The following TOP1MT variants were observed in gnomAD, a reference collection of about 807,000 sequenced individuals.
TOP1MT encodes the protein DNA topoisomerase I mitochondrial.
TOP1MT carries 80 observed loss-of-function variants against 73.9 expected under a neutral mutation model. The observed-to-expected ratio is 1.08, with a 90% confidence interval of 0.90 to 1.30. The LOEUF (loss-of-function observed/expected upper bound fraction) is 1.30, where lower values mean the gene tolerates loss of function less well. TOP1MT is among the 50% of genes most tolerant of loss of function. TOP1MT has a pLI of 0.00. For synonymous variants in TOP1MT, 338 were observed against 326.4 expected (o/e 1.04, Z -0.38); for missense variants, 815 against 808.0 (o/e 1.01, Z -0.10).
intron 7 of TOP1MT, among the ~76,000 whole-genome samples, chr8:143,322,371 GGCACGCCACACAC>G (rs1816463182): frequency 3.4e-5 from 1 of 29,650 alleles, no homozygotes; most frequent in Admixed American, 4.8e-4. Flanking sequence ...CACACACACA[GGCACGCCACACAC>G]GCACGCCACA....
chr8:143,322,266 C>G (rs1586759042), intron 7 of TOP1MT, among the ~76,000 whole-genome samples: 1 of 39,604 alleles, frequency 2.5e-5, no homozygotes. Context: ...CACACACACA[C>G]GCCACACACA....
chr8:143,342,184 A>T (rs375291359), intron 2 of TOP1MT, among the ~76,000 whole-genome samples: 1 of 63,482 alleles, frequency 1.6e-5, no homozygotes, highest in Non-Finnish European at 2.7e-5. Context: ...ATTATTAGAG[A>T]CAGTCTCGCT....
chr8:143,321,200 C>A lies in TOP1MT; in HGVS notation c.1146+1G>T. 6.3e-7 allele frequency: 1 copy of A among 1,589,142 alleles called. No homozygotes were observed. The highest frequency in any genetic ancestry group is 2.3e-5 in the East Asian group (1 of 43,942). ...GGGGCAGCTGGCGCGAGGGCACTCA[C>A]CGGCTTCTCCACCGGCACTCTGTTG... On this transcript the variant is annotated splice_donor_variant, in intron 8 of 13. Coordinates refer to ENST00000329245, the MANE Select transcript of TOP1MT (RefSeq NM_052963.3). LOFTEE classifies it high-confidence loss of function.
intron 3 of TOP1MT, among the ~76,000 whole-genome samples, 165 bp downstream of exon 3, chr8:143,329,185 T>G (rs1178845102): frequency 6.6e-6 from 1 of 152,068 alleles, no homozygotes; most frequent in Non-Finnish European, 1.5e-5. Flanking sequence ...GAGGATGGCT[T>G]GAGCCCAGGA....
At chr8:143,320,203 A>G (rs1816290696) in intron 8 of TOP1MT, among the ~76,000 whole-genome samples, 1 of 150,738 alleles carries the variant, frequency 6.6e-6, no homozygotes, top group Non-Finnish European at 1.5e-5. Context: ...ATCTTGGCTC[A>G]CTGCAAGCTC....
intron 12 of TOP1MT, 22 bp downstream of exon 12, chr8:143,315,705 G>GT (rs1478641153): frequency 2.4e-5 from 38 of 1,606,050 alleles, no homozygotes; most frequent in Non-Finnish European, 3.2e-5. Flanking sequence ...GGGAGAAGGC[G>GT]TCTGAGGGCA....
chr8:143,334,902 C>T, upstream of TOP1MT: 1 of 1,383,878 alleles, frequency 7.2e-7, no homozygotes, highest in South Asian at 1.6e-5. Flanking sequence ...GGGCCCCGCC[C>T]CAGCGGCCAG....
chr8:143,334,960 G>A (rs1816957580), upstream of TOP1MT: 1 of 1,179,078 alleles, frequency 8.5e-7, no homozygotes, highest in Non-Finnish European at 1.0e-6. Flanking sequence ...CGCGGCCTCC[G>A]CCCCCAGCGG....
chr8:143,321,402 T>C lies in TOP1MT; in HGVS notation c.961-16A>G, dbSNP rs750081521. The C allele has an allele frequency of 1.3e-6, 2 of 1,563,428 alleles. No homozygotes were observed. Among genetic ancestry groups the C allele is most frequent in the Non-Finnish European group, 8.7e-7 (1 of 1,148,744 alleles). ...TCAGTGCCAGCTAGTTGGTGGGGAA[T>C]GGTCAAAGTGGGTGGTGCGTGCACA... is the stretch of plus-strand genomic sequence containing the variant. On this transcript the variant is annotated splice_polypyrimidine_tract_variant and intron_variant, in intron 7 of 13. Transcript: ENST00000329245.
At chr8:143,338,117 G>A (rs901718650), upstream of TOP1MT, among the ~76,000 whole-genome samples, 38 of 152,286 alleles carry the variant, frequency 2.5e-4, no homozygotes, top group African/African-American at 7.7e-4. Flanking sequence ...ACCGGTGTCC[G>A]AGAGGTTTTG....
intron 1 of TOP1MT, among the ~76,000 whole-genome samples, chr8:143,353,240 C>A (rs1817349703): frequency 1.3e-5 from 2 of 151,994 alleles, no homozygotes; most frequent in South Asian, 4.1e-4. Flanking sequence ...AATGGGGAGA[C>A]CCCATCTCTA....
rs1189433917 is a variant in TOP1MT, at chr8:143,344,199, G to A, written c.-39+717C>T. ...AGGTCTGTGCTTGAGAAGACAGAAG[G>A]AGCCGCTTCACCGAAACGAGAGGAC... On this transcript the variant is annotated intron_variant, in intron 1 of 5. Coordinates refer to the TOP1MT transcript ENST00000518007. The surrounding 1 kb of genome is among the most constrained non-coding windows in gnomAD (Gnocchi z 4.6). 2 of 152,192 alleles carry A rather than the reference G, an allele frequency of 1.3e-5. No individual in the cohort carries two copies. The highest frequency in any genetic ancestry group is 2.9e-5 in the Non-Finnish European group (2 of 68,072). The allele number at this position is 152,192 out of a possible 1,614,324, so 9.4% of individuals were successfully genotyped here.
intron 1 of TOP1MT, among the ~76,000 whole-genome samples, chr8:143,355,124 C>T (rs4875046): frequency 0.62 from 94,160 of 152,080 alleles, 32,451 homozygotes; most frequent in South Asian, 0.85. Flanking sequence ...AGTGCGGAAG[C>T]GGCACATGGC....
chr8:143,311,161 GT>G (rs1816006260), intron 12 of TOP1MT, among the ~76,000 whole-genome samples: 2 of 140,852 alleles, frequency 1.4e-5, no homozygotes, highest in Non-Finnish European at 3.0e-5. Flanking sequence ...CAGAGACAGG[GT>G]TTCACCATGT....
At chr8:143,357,921 CAA>C (rs912716417), upstream of TOP1MT, among the ~76,000 whole-genome samples, 17 of 98,444 alleles carry the variant, frequency 1.7e-4, no homozygotes, top group Admixed American at 1.1e-4. Context: ...AACTCCGTCT[CAA>C]AAAAAAAAAA....
intron 1 of TOP1MT, among the ~76,000 whole-genome samples, chr8:143,355,056 C>T (rs1373059926): frequency 1.3e-5 from 2 of 152,172 alleles, no homozygotes; most frequent in African/African-American, 2.4e-5. Context: ...AGGTGTGGCC[C>T]GTGCACCGCC....
Position 143,310,959 on chromosome 8 carries a change from C to CTTT in TOP1MT, c.1554-745_1554-743dup, listed in dbSNP as rs36007345. Among the ~76,000 whole-genome samples, 10 of 128,120 alleles carry CTTT rather than the reference C, an allele frequency of 7.8e-5. No individual in the cohort carries two copies. The South Asian group carries it at 1.3e-3, about 16-fold the overall frequency. 84.1% of individuals were successfully genotyped at this position (128,120 alleles called of 152,430 possible). A position where few individuals can be genotyped will look rare whatever the true frequency, so the allele number is the denominator to read the frequency against. On this transcript the variant is annotated intron_variant, in intron 12 of 13. Transcript: ENST00000329245. ...GAAATGCTTAAGAAATTTCTCTTGGCTTTTTTTTTTTTTTTTTGAGACGGA... is the reference window on the plus strand; with the variant it reads ...GAAATGCTTAAGAAATTTCTCTTGGCTTTTTTTTTTTTTTTTTTTTGAGACGGA...
chr8:143,309,549 G>A lies in TOP1MT; in HGVS notation c.1704-6C>T. The stretch of plus-strand genomic sequence containing the variant: ...GCACCCTGAACCGCTTGCACCTGCG[G>A]GAGGCAGCATCAGCCCAGGCAAGCA... On this transcript the variant is annotated splice_region_variant and splice_polypyrimidine_tract_variant and intron_variant, in intron 13 of 13. Coordinates refer to ENST00000329245, the MANE Select transcript of TOP1MT (RefSeq NM_052963.3). 1 of 1,613,564 alleles carries A rather than the reference G, an allele frequency of 6.2e-7. No individual in the cohort carries two copies. The highest frequency in any genetic ancestry group is 8.5e-7 in the Non-Finnish European group (1 of 1,179,966).
At chr8:143,317,344 G>A (rs939058090) in intron 10 of TOP1MT, among the ~76,000 whole-genome samples, 7 of 152,290 alleles carry the variant, frequency 4.6e-5, no homozygotes, top group Middle Eastern at 3.4e-3. Context: ...CCCAGAGGTC[G>A]GGGTGCTCAG....
Sources: allele counts gnomAD v4.1 joint callset (sites outside exome capture counted in the v4.1 genomes callset), GRCh38; gene constraint gnomAD v4.1.1; non-coding constraint Gnocchi (gnomAD v3.1); transcripts MANE v1.5; gene names NCBI Gene and HGNC (gene_info 2026-07-23, HGNC 2026-07-21).